GSK3B: variants seen among roughly 807,000 people sequenced by gnomAD.
GSK3B encodes the protein glycogen synthase kinase 3 beta, also known as glycogen synthase kinase-3 beta.
Under a neutral mutation model 56.4 loss-of-function variants are expected in GSK3B, and 15 were observed. The observed-to-expected ratio is 0.27, with a 90% CI of 0.18 to 0.41. The LOEUF is 0.41. Among genes scored for constraint, GSK3B ranks in the 10% least tolerant of loss-of-function variants. GSK3B has a pLI of 1.00. For missense variants in GSK3B, 300 were observed against 513.4 expected (o/e 0.58, Z 4.02); for synonymous variants, 181 against 188.9 (o/e 0.96, Z 0.34).
At chr3:119,950,295 T>G (rs2057144998) in intron 2 of GSK3B, among the ~76,000 whole-genome samples, 1 of 152,172 alleles carries the variant, frequency 6.6e-6, no homozygotes, top group African/African-American at 2.4e-5. Flanking sequence ...AATATCTACA[T>G]TTTACATAAG....
chr3:120,056,906 G>A (rs1379156996), intron 1 of GSK3B, among the ~76,000 whole-genome samples: 1 of 152,168 alleles, frequency 6.6e-6, no homozygotes, highest in African/African-American at 2.4e-5. Flanking sequence ...ACTTTGGGAG[G>A]CCGAGGCAGG....
At chr3:119,957,787 T>C (rs924775718) in intron 2 of GSK3B, among the ~76,000 whole-genome samples, 1 of 152,172 alleles carries the variant, frequency 6.6e-6, no homozygotes, top group Non-Finnish European at 1.5e-5. Context: ...AGGCAAGATT[T>C]AAACCAGGTG....
At chr3:120,078,119 A>G (rs936247626) in intron 1 of GSK3B, among the ~76,000 whole-genome samples, 4 of 152,224 alleles carry the variant, frequency 2.6e-5, no homozygotes, top group African/African-American at 9.6e-5. Flanking sequence ...TATCATGACC[A>G]CAAACTTTTT....
intron 2 of GSK3B, among the ~76,000 whole-genome samples, chr3:119,970,589 G>A (rs1446683188): frequency 1.5e-5 from 2 of 137,324 alleles, no homozygotes; most frequent in East Asian, 2.1e-4. Context: ...GGCCAACACA[G>A]TGAAACCCCG....
intron 9 of GSK3B, among the ~76,000 whole-genome samples, chr3:119,847,852 A>G (rs908557702): frequency 6.6e-6 from 1 of 152,214 alleles, no homozygotes; most frequent in Non-Finnish European, 1.5e-5. Context: ...GAGAATATGA[A>G]TGAGAATGTG....
At chr3:119,978,738 C>T (rs540254216) in intron 2 of GSK3B, among the ~76,000 whole-genome samples, 11 of 152,216 alleles carry the variant, frequency 7.2e-5, no homozygotes, top group South Asian at 2.1e-4. Context: ...CAAATCCAAC[C>T]GGAACATCCA....
At position 119,864,913 on chromosome 3, in the gene GSK3B, C is replaced by T. The variant is rs149156278; in HGVS notation, c.910-1308G>A. ...AATTATTTCGGAACATAAAGAAAGG[C>T]CTTAGTCAATTTCTTGGTTATGTTA... is the stretch of plus-strand genomic sequence containing the variant. On this transcript the variant is annotated intron_variant, in intron 8 of 10. Coordinates refer to ENST00000264235, the MANE Select transcript of GSK3B (RefSeq NM_001146156.2). Among the ~76,000 whole-genome samples the T allele has an allele frequency of 2.3e-3, 349 of 152,180 alleles. 2 individuals are homozygous for T. Among genetic ancestry groups the T allele is most frequent in the African/African-American group, 7.5e-3 (313 of 41,510 alleles).
chr3:120,046,140 G>A (rs2058100863), intron 1 of GSK3B, among the ~76,000 whole-genome samples: 1 of 152,126 alleles, frequency 6.6e-6, no homozygotes, highest in Non-Finnish European at 1.5e-5. Context: ...GGTGGATGTT[G>A]GGATTCTGGA....
intron 10 of GSK3B, among the ~76,000 whole-genome samples, chr3:119,832,821 A>AC (rs2055625138): frequency 6.6e-6 from 1 of 152,180 alleles, no homozygotes; most frequent in Non-Finnish European, 1.5e-5. Flanking sequence ...CAAGGGTAGA[A>AC]CCCTTAAGTA....
rs1358495778 is a variant in GSK3B, at chr3:119,826,440, G to A, written c.*348C>T. 2 of 445,148 alleles carry A rather than the reference G, an allele frequency of 4.5e-6. No individual in the cohort carries two copies. Among genetic ancestry groups the A allele is most frequent in the Non-Finnish European group, 8.3e-6 (2 of 241,810 alleles). The allele number at this position is 445,148 out of a possible 1,614,324, so 27.6% of individuals were successfully genotyped here. A position where few individuals can be genotyped will look rare whatever the true frequency, so the allele number is the denominator to read the frequency against. The stretch of plus-strand genomic sequence containing the variant: ...AAAAAGGTTTTCTTCTTTTGTGGAA[G>A]GGGCATGAGGCAGGAGTCCTGTTTT... On this transcript the variant is annotated 3_prime_UTR_variant, in exon 11 of 11. Coordinates refer to ENST00000264235, the MANE Select transcript of GSK3B (RefSeq NM_001146156.2).
chr3:119,828,599 T>G (rs189136434), intron 10 of GSK3B, among the ~76,000 whole-genome samples: 1 of 152,338 alleles, frequency 6.6e-6, no homozygotes, highest in Admixed American at 6.5e-5. Context: ...AATGTCATGG[T>G]TGAATGCAAC....
intron 2 of GSK3B, among the ~76,000 whole-genome samples, chr3:119,961,279 G>A (rs1038733593): frequency 2.0e-5 from 3 of 152,160 alleles, no homozygotes; most frequent in South Asian, 2.1e-4. Flanking sequence ...ACCAAAGATT[G>A]TGTATATATA....
At chr3:119,851,078 T>C (rs1314970499) in intron 9 of GSK3B, among the ~76,000 whole-genome samples, 5 of 152,212 alleles carry the variant, frequency 3.3e-5, no homozygotes, top group African/African-American at 1.2e-4. Flanking sequence ...AAAAGCCACG[T>C]AGTTTATTAG....
chr3:119,939,751 G>A (rs1402464657), intron 3 of GSK3B, among the ~76,000 whole-genome samples: 1 of 152,062 alleles, frequency 6.6e-6, no homozygotes. Context: ...TAACATCCAG[G>A]TTTCTTATTT....
chr3:119,904,727 A>C (rs1015874430), intron 7 of GSK3B, among the ~76,000 whole-genome samples: 1 of 152,160 alleles, frequency 6.6e-6, no homozygotes, highest in African/African-American at 2.4e-5. Context: ...TAGTAATCTG[A>C]TGCTGGAAGT....
chr3:119,950,638 T>C (rs1480911920), intron 2 of GSK3B, among the ~76,000 whole-genome samples: 3 of 151,940 alleles, frequency 2.0e-5, no homozygotes, highest in Non-Finnish European at 4.4e-5. Context: ...GAGGAGAGAT[T>C]TCCAGGTACA....
intron 10 of GSK3B, among the ~76,000 whole-genome samples, chr3:119,839,846 T>C (rs773833330): frequency 3.3e-5 from 5 of 152,214 alleles, no homozygotes; most frequent in African/African-American, 7.2e-5. Flanking sequence ...GTTTAGTTAC[T>C]TAGGGGTTCA....
chr3:119,891,521 T>C (rs1370228978), intron 7 of GSK3B, among the ~76,000 whole-genome samples: 1 of 152,162 alleles, frequency 6.6e-6, no homozygotes, highest in African/African-American at 2.4e-5. Context: ...AATTGAATAA[T>C]TTTATAGATA....
intron 7 of GSK3B, among the ~76,000 whole-genome samples, chr3:119,880,053 C>A (rs544735236): frequency 6.6e-6 from 1 of 152,064 alleles, no homozygotes; most frequent in Non-Finnish European, 1.5e-5. Flanking sequence ...AACTGTTCTC[C>A]ATGGAAGCAG....
Sources: allele counts gnomAD v4.1 joint callset (sites outside exome capture counted in the v4.1 genomes callset), GRCh38; gene constraint gnomAD v4.1.1; transcripts MANE v1.5; gene names NCBI Gene and HGNC (gene_info 2026-07-23, HGNC 2026-07-21).